The following THRAP3 variants were observed in gnomAD, a reference collection of about 807,000 sequenced individuals.
THRAP3 encodes thyroid hormone receptor-associated protein 3.
Under a neutral mutation model 101.0 loss-of-function variants are expected in THRAP3, and 16 were observed. That is an observed-to-expected ratio of 0.16 (90% confidence interval 0.11 to 0.24). The LOEUF (loss-of-function observed/expected upper bound fraction) is 0.24. Ranked by LOEUF, THRAP3 falls within the 10% of genes least tolerant of loss-of-function variation. The pLI, the probability that THRAP3 is intolerant of heterozygous loss-of-function variation, is 1.00. For missense variants in THRAP3, 989 were observed against 1,202.7 expected (o/e 0.82, Z 2.63); for synonymous variants, 407 against 422.6 (o/e 0.96, Z 0.45).
In THRAP3 at chr1:36,286,613, G is replaced by A. The variant is rs531417421; in HGVS notation, c.383G>A (p.Arg128Gln). ...YSPRRGRSRS[R>Q]SPKRRSPSPR... ...CCTCGTCGAGGCCGTTCAAGATCCC[G>A]GTCCCCAAAGAGAAGGTCCCCTTCA... Residue 128 changes from arginine to glutamine, a missense_variant, in exon 4 of 12, where the codon CGG becomes CAG. Coordinates refer to ENST00000354618, the MANE Select transcript of THRAP3 (RefSeq NM_005119.4). This position sits in a 1 kb window ranked among gnomAD's most constrained non-coding sequence, Gnocchi z 5.5. The A allele has an allele frequency of 4.3e-6, 7 of 1,614,072 alleles. No homozygotes were observed. Among genetic ancestry groups the A allele is most frequent in the South Asian group, 2.2e-5 (2 of 91,070 alleles).
chr1:36,279,264 T>C (rs1645702219), intron 2 of THRAP3, among the ~76,000 whole-genome samples: 1 of 152,184 alleles, frequency 6.6e-6, no homozygotes, highest in African/African-American at 2.4e-5. Flanking sequence ...GTGTAAGTCA[T>C]CTGGATGGAT....
chr1:36,293,276 G>A (rs1221420529), intron 7 of THRAP3, among the ~76,000 whole-genome samples: 2 of 152,046 alleles, frequency 1.3e-5, no homozygotes, highest in African/African-American at 2.4e-5. Context: ...TGACCTGCCC[G>A]CCTCAGCCTC....
chr1:36,218,528 A>G, the THRAP3 span, among the ~76,000 whole-genome samples: 1 of 150,396 alleles, frequency 6.6e-6, no homozygotes, highest in Non-Finnish European at 1.5e-5. Context: ...CATCCTGGCT[A>G]ACACAGTGAA....
the THRAP3 span, among the ~76,000 whole-genome samples, chr1:36,213,985 GAAAGAAAGA>G: frequency 1.1e-5 from 1 of 91,610 alleles, no homozygotes; most frequent in African/African-American, 5.9e-5. Context: ...AAGAAAGAAA[GAAAGAAAGA>G]AAGGAAAGAA....
At chr1:36,278,856 G>A (rs1192173833) in intron 2 of THRAP3, among the ~76,000 whole-genome samples, 1 of 152,016 alleles carries the variant, frequency 6.6e-6, no homozygotes, top group East Asian at 1.9e-4. Context: ...CCAGGTGGCA[G>A]AGGTTGCAGT....
chr1:36,262,993 G>A (rs1373899986), intron 2 of THRAP3, among the ~76,000 whole-genome samples: 1 of 121,194 alleles, frequency 8.3e-6, no homozygotes, highest in Non-Finnish European at 1.7e-5. Context: ...TGTATTTTCA[G>A]TAGAGATGGG....
At chr1:36,216,307 G>T in the THRAP3 span, among the ~76,000 whole-genome samples, 53 of 151,852 alleles carry the variant, frequency 3.5e-4, no homozygotes, top group Middle Eastern at 6.8e-3. Context: ...CTCACCTGAG[G>T]TCAAGAGTTC....
chr1:36,211,234 G>A, the THRAP3 span, among the ~76,000 whole-genome samples: 7 of 151,890 alleles, frequency 4.6e-5, no homozygotes, highest in Non-Finnish European at 7.4e-5. Context: ...GGTGGCACGC[G>A]CCTGTGTTCC....
intron 2 of THRAP3, among the ~76,000 whole-genome samples, chr1:36,261,908 C>T (rs1051596322): frequency 1.3e-5 from 2 of 152,080 alleles, no homozygotes; most frequent in Non-Finnish European, 2.9e-5. Context: ...ACAGGAAAGG[C>T]TTAGTGGGTA....
chr1:36,209,446 C>T, the THRAP3 span, among the ~76,000 whole-genome samples: 1 of 152,140 alleles, frequency 6.6e-6, no homozygotes, highest in Non-Finnish European at 1.5e-5. Flanking sequence ...GGCCTCAATA[C>T]CCAGTAGATG....
At position 36,287,025 on chromosome 1, in the gene THRAP3, C is replaced by A. The variant is rs1645804896; in HGVS notation, c.795C>A (p.Pro265=). The change falls in exon 4 of 12, where the codon CCC becomes CCA. Residue 265 remains proline (P), a synonymous_variant. Transcript: ENST00000354618. ...CTGTGGTGGTGAGGCGGCGGTCACC[C>A]CGTCCTAGCCCCGTGCCAAAACCTA... ...LQSVVVRRRS[P]RPSPVPKPSP... 6.2e-7 allele frequency: 1 copy of A among 1,613,570 alleles called. No individual in the cohort carries two copies. Among genetic ancestry groups the A allele is most frequent in the Non-Finnish European group, 8.5e-7 (1 of 1,179,664 alleles).
intron 11 of THRAP3, among the ~76,000 whole-genome samples, chr1:36,303,184 G>A (rs1646052290): frequency 6.9e-6 from 1 of 145,516 alleles, no homozygotes. Context: ...GGCTGGTCTC[G>A]AAATTCTGAG....
the THRAP3 span, among the ~76,000 whole-genome samples, chr1:36,216,845 G>C: frequency 2.0e-5 from 3 of 152,148 alleles, no homozygotes; most frequent in Non-Finnish European, 4.4e-5. Flanking sequence ...AACAGGAGAT[G>C]GGCCAGAATT....
At chr1:36,288,040 A>G (rs943096264) in intron 4 of THRAP3, 2 of 961,562 alleles carry the variant, frequency 2.1e-6, no homozygotes, top group Admixed American at 6.2e-5. Flanking sequence ...TGATCCCTTG[A>G]TTCTTCTTGG....
chr1:36,250,810 A>G (rs965162056), intron 1 of THRAP3, among the ~76,000 whole-genome samples: 31 of 151,590 alleles, frequency 2.0e-4, no homozygotes, highest in Admixed American at 1.8e-3. Flanking sequence ...CTATTGGCGC[A>G]ATCTCAGCTC....
At chr1:36,293,431 G>A (rs1006129659) in intron 7 of THRAP3, among the ~76,000 whole-genome samples, 5 of 152,162 alleles carry the variant, frequency 3.3e-5, no homozygotes, top group East Asian at 3.8e-4. Flanking sequence ...GGCTAGAGGC[G>A]GGAGCTTGTA....
At chr1:36,234,835 GAT>G (rs796552634) in intron 1 of THRAP3, among the ~76,000 whole-genome samples, 130 of 99,216 alleles carry the variant, frequency 1.3e-3, no homozygotes, top group African/African-American at 5.0e-3. Flanking sequence ...TTTTTTTTGA[GAT>G]AGAGTCTCGC....
chr1:36,217,807 G>A, the THRAP3 span, among the ~76,000 whole-genome samples: 1 of 152,224 alleles, frequency 6.6e-6, no homozygotes, highest in East Asian at 1.9e-4. Flanking sequence ...TGTGTGTACT[G>A]ACTGCTCCAC....
At chr1:36,213,459 A>G in the THRAP3 span, among the ~76,000 whole-genome samples, 1 of 151,952 alleles carries the variant, frequency 6.6e-6, no homozygotes, top group East Asian at 2.0e-4. Flanking sequence ...GGCAGAATAC[A>G]GTGGATGTTG....
Sources: allele counts gnomAD v4.1 joint callset (sites outside exome capture counted in the v4.1 genomes callset), GRCh38; gene constraint gnomAD v4.1.1; non-coding constraint Gnocchi (gnomAD v3.1); transcripts MANE v1.5; gene names NCBI Gene and HGNC (gene_info 2026-07-23, HGNC 2026-07-21).